Variants in GABRP observed in about 807,000 individuals in gnomAD.
The protein encoded by GABRP is gamma-aminobutyric acid type A receptor subunit pi.
GABRP carries 52 observed loss-of-function variants against 47.8 expected under a neutral mutation model. The observed-to-expected ratio is 1.09, with a 90% CI of 0.87 to 1.37. The LOEUF (loss-of-function observed/expected upper bound fraction) is 1.37, where lower values mean the gene tolerates loss of function less well. Ranked by LOEUF, GABRP falls within the 40% of genes most tolerant of loss-of-function variation. GABRP has a pLI of 0.00. For missense variants in GABRP, 525 were observed against 542.8 expected, an observed-to-expected ratio of 0.97 and a Z score of 0.33; for synonymous variants, 221 against 205.8, an observed-to-expected ratio of 1.07 and a Z score of -0.63.
intron 7 of GABRP, among the ~76,000 whole-genome samples, chr5:170,807,347 A>G (rs1013745109): frequency 1.3e-5 from 2 of 152,236 alleles, no homozygotes; most frequent in South Asian, 2.1e-4. Flanking sequence ...AGGGCTATGC[A>G]GTCATAGTTT....
intron 5 of GABRP, among the ~76,000 whole-genome samples, chr5:170,797,210 C>T (rs1446915858): frequency 6.6e-6 from 1 of 152,232 alleles, no homozygotes; most frequent in African/African-American, 2.4e-5. Context: ...TCTGTCTGTT[C>T]TGTGATACTG....
In GABRP at chr5:170,798,065, G is replaced by A. The variant is rs1054359424; in HGVS notation, c.541+517G>A. On this transcript the variant is annotated intron_variant, in intron 6 of 9. Coordinates refer to ENST00000265294, the MANE Select transcript of GABRP (RefSeq NM_014211.3). ...GTTTTGTTTTGTTCTGTTTTGAGACGGAGTCTCGCTCTGTCGCCCAAGCTG... is the reference window on the plus strand; with the variant it reads ...GTTTTGTTTTGTTCTGTTTTGAGACAGAGTCTCGCTCTGTCGCCCAAGCTG... Among the ~76,000 whole-genome samples, 7 of 152,244 alleles carry A rather than the reference G, an allele frequency of 4.6e-5. No individual in the cohort carries two copies. In the East Asian group the frequency reaches 5.8e-4, roughly 13 times the overall value.
In GABRP at chr5:170,795,247, G is replaced by C. The variant is rs1157200973; in HGVS notation, c.280G>C (p.Asp94His). 1 of 1,613,550 alleles carries C rather than the reference G, an allele frequency of 6.2e-7. No homozygotes were observed. Among genetic ancestry groups the C allele is most frequent in the Non-Finnish European group, 8.5e-7 (1 of 1,179,876 alleles). ...ATIYLRQRWM[D>H]QRLVFEGNKS... ...CATATACCTCCGACAGCGCTGGATG[G>C]ACCAGCGGCTGGTGTTTGAAGGCAA... The change falls in exon 5 of 10, where the codon GAC becomes CAC. Residue 94 changes from aspartate (D) to histidine (H), a missense_variant. By Grantham distance (81) the Asp-to-His change is moderately conservative (BLOSUM62 -1). Transcript: ENST00000265294.
chr5:170,795,546 G>A (rs1765404382), intron 5 of GABRP, 121 bp downstream of exon 5: 1 of 740,962 alleles, frequency 1.3e-6, no homozygotes, highest in Admixed American at 2.1e-5. Context: ...TGGCTTCTTA[G>A]ATCCTTGCCC....
intron 6 of GABRP, among the ~76,000 whole-genome samples, chr5:170,799,103 C>A (rs1765518799): frequency 6.6e-6 from 1 of 152,178 alleles, no homozygotes; most frequent in Admixed American, 6.5e-5. Context: ...CTACAAAGGA[C>A]ATGAACTCAT....
chr5:170,810,443 C>T (rs565250149), intron 9 of GABRP, among the ~76,000 whole-genome samples: 6 of 151,920 alleles, frequency 3.9e-5, no homozygotes, highest in East Asian at 1.9e-4. Flanking sequence ...AGAGACTTAC[C>T]GCAGGGGATA....
At position 170,812,374 on chromosome 5, in the gene GABRP, A is replaced by C; in HGVS notation, c.*116A>C. 2 of 778,394 alleles carry C rather than the reference A, an allele frequency of 2.6e-6. No homozygotes were observed. Among genetic ancestry groups the C allele is most frequent in the Non-Finnish European group, 4.2e-6 (2 of 481,118 alleles). 48.2% of individuals were successfully genotyped at this position (778,394 alleles called of 1,614,324 possible). On this transcript the variant is annotated 3_prime_UTR_variant, in exon 10 of 10. Transcript: ENST00000265294. Reference sequence around the variant, plus strand: ...CAATGGTGCTACAAGTGACTGAAATAATATTTGAGTCTTTCTGCTCAAAGA... The same window carrying C: ...CAATGGTGCTACAAGTGACTGAAATCATATTTGAGTCTTTCTGCTCAAAGA...
At chr5:170,795,137 T>G in intron 4 of GABRP, 71 bp from the exon 5 acceptor site, 1 of 1,110,100 alleles carries the variant, frequency 9.0e-7, no homozygotes, top group Non-Finnish European at 1.4e-6. Context: ...CTTTGACCAC[T>G]TTCCTCCATT....
At chr5:170,788,436 C>G in intron 1 of GABRP, 138 bp from the exon 2 acceptor site, 1 of 554,924 alleles carries the variant, frequency 1.8e-6, no homozygotes, top group East Asian at 3.0e-5. Flanking sequence ...GGAGCTGTAA[C>G]CGAAAGGTAT....
At chr5:170,810,738 G>A (rs1254205678) in intron 9 of GABRP, among the ~76,000 whole-genome samples, 2 of 152,152 alleles carry the variant, frequency 1.3e-5, no homozygotes, top group Non-Finnish European at 2.9e-5. Context: ...TGTAGAATGA[G>A]GAATCAAAAT....
chr5:170,806,630 AG>A (rs1765744382), intron 7 of GABRP, among the ~76,000 whole-genome samples: 1 of 151,958 alleles, frequency 6.6e-6, no homozygotes, highest in Non-Finnish European at 1.5e-5. Flanking sequence ...TTTGGTAGAG[AG>A]GGGTTTCGCC....
chr5:170,797,355 T>A (rs1476356751), intron 5 of GABRP, 111 bp from the exon 6 acceptor site: 4 of 717,480 alleles, frequency 5.6e-6, no homozygotes, highest in Admixed American at 1.9e-5. Context: ...CCAAGCTACA[T>A]GTTCATTTAA....
chr5:170,803,966 C>T (rs1006682339), intron 6 of GABRP, among the ~76,000 whole-genome samples: 1 of 152,102 alleles, frequency 6.6e-6, no homozygotes, highest in African/African-American at 2.4e-5. Flanking sequence ...CAGGGTTTCA[C>T]CATGTTGGCC....
rs1413043887 is a variant in GABRP, at chr5:170,795,303, G to A, written c.336G>A (p.Val112=). 6.2e-7 allele frequency: 1 copy of A among 1,613,912 alleles called. No homozygotes were observed. Among genetic ancestry groups the A allele is most frequent in the Non-Finnish European group, 8.5e-7 (1 of 1,179,982 alleles). ...NKSFTLDARL[V]EFLWVPDTYI... ...GCTTCACTCTGGATGCCCGCCTCGT[G>A]GAGTTCCTCTGGGTGCCAGATACTT... Residue 112 remains valine (V), a synonymous_variant, in exon 5 of 10, where the codon GTG becomes GTA. Transcript: ENST00000265294.
At chr5:170,805,976 G>A (rs1204138658) in intron 7 of GABRP, 123 bp downstream of exon 7, 1 of 1,098,186 alleles carries the variant, frequency 9.1e-7, no homozygotes, top group African/African-American at 1.6e-5. Context: ...CGGGACAGTA[G>A]GGTTTGTGCT....
chr5:170,800,948 A>C (rs1581600578), intron 6 of GABRP, among the ~76,000 whole-genome samples: 1 of 152,368 alleles, frequency 6.6e-6, no homozygotes, highest in East Asian at 1.9e-4. Context: ...CACCATCTCA[A>C]ACAAAAAAAT....
intron 9 of GABRP, chr5:170,810,123 C>T: frequency 2.0e-6 from 1 of 496,976 alleles, no homozygotes; most frequent in Non-Finnish European, 3.6e-6. Flanking sequence ...TCTTTTGTTG[C>T]ATTATTTTGT....
At chr5:170,804,249 T>G (rs559633783) in intron 6 of GABRP, among the ~76,000 whole-genome samples, 1 of 152,052 alleles carries the variant, frequency 6.6e-6, no homozygotes, top group South Asian at 2.1e-4. Flanking sequence ...TATATCAAAT[T>G]TTATTTATTG....
chr5:170,782,867 A>G, upstream of GABRP: 1 of 152,694 alleles, frequency 6.5e-6, no homozygotes, highest in Non-Finnish European at 1.5e-5. Flanking sequence ...CTCAGGGTGC[A>G]AGGCCAAGCC....
Sources: allele counts gnomAD v4.1 joint callset (sites outside exome capture counted in the v4.1 genomes callset), GRCh38; gene constraint gnomAD v4.1.1; transcripts MANE v1.5; gene names NCBI Gene and HGNC (gene_info 2026-07-23, HGNC 2026-07-21).